Variants in TENM4 observed in about 807,000 individuals in gnomAD.
The protein encoded by TENM4 is teneurin transmembrane protein 4.
A neutral mutation model predicts 243.3 loss-of-function variants in TENM4; 82 were observed. That is an observed-to-expected ratio of 0.34 (90% CI 0.28 to 0.40). TENM4 has a LOEUF of 0.40. Ranked by LOEUF, TENM4 falls within the 10% of genes least tolerant of loss-of-function variation. The pLI, the probability that TENM4 is intolerant of heterozygous loss-of-function variation, is 1.00. For synonymous variants in TENM4, 1,412 were observed against 1,456.3 expected (o/e 0.97, Z 0.69); for missense variants, 3,138 against 3,673.3 (o/e 0.85, Z 3.77).
At chr11:78,736,372 C>A (rs1855792719) in intron 20 of TENM4, among the ~76,000 whole-genome samples, 1 of 151,960 alleles carries the variant, frequency 6.6e-6, no homozygotes, top group South Asian at 2.1e-4. Context: ...TAAATGATCT[C>A]TTTGGCTAAC....
chr11:79,349,504 G>A (rs938470730), intron 1 of TENM4, among the ~76,000 whole-genome samples: 5 of 152,002 alleles, frequency 3.3e-5, no homozygotes, highest in African/African-American at 9.7e-5. Flanking sequence ...TCATTCCTTC[G>A]TTCATAAATA....
rs1855849507 is a variant in TENM4 at position 78,738,456 on chromosome 11, A to T, written c.2871T>A (p.Asp957Glu). The change falls in exon 20 of 34, where the codon GAT becomes GAA. Residue 957 changes from aspartate (D) to glutamate (E), a missense_variant. Asp to Glu is a conservative substitution (Grantham distance 45). Transcript: ENST00000278550. ...GCTCATAGAAGGTCTCCTACCTGCC[A>T]TCTTGCCTGCTGATTGTATATCCAA... ...PLFGYTISRQ[D>E]GSFDLVTNGG... 1 of 1,613,702 alleles carries T rather than the reference A, an allele frequency of 6.2e-7. No homozygotes were observed. Among genetic ancestry groups the T allele is most frequent in the Non-Finnish European group, 8.5e-7 (1 of 1,179,764 alleles).
intron 5 of TENM4, among the ~76,000 whole-genome samples, chr11:79,066,639 C>T (rs1013412329): frequency 2.6e-5 from 4 of 151,806 alleles, no homozygotes; most frequent in African/African-American, 9.7e-5. Flanking sequence ...CATGAACACA[C>T]AAGTGCACAC....
chr11:79,210,238 T>C (rs1190266114), intron 3 of TENM4, among the ~76,000 whole-genome samples: 1 of 152,172 alleles, frequency 6.6e-6, no homozygotes, highest in Non-Finnish European at 1.5e-5. Context: ...GGCCTGACCA[T>C]GTAATAATCT....
At chr11:79,098,139 TC>T (rs1324203770) in intron 4 of TENM4, 1 of 152,226 alleles carries the variant, frequency 6.6e-6, no homozygotes, top group Non-Finnish European at 1.5e-5. Context: ...CCCAGGATTG[TC>T]TGCGATCCTG....
chr11:78,746,943 G>A (rs554640670), intron 19 of TENM4, among the ~76,000 whole-genome samples: 1 of 152,296 alleles, frequency 6.6e-6, no homozygotes, highest in African/African-American at 2.4e-5. Context: ...TTCTGTCAGG[G>A]ACAGGGCAGG....
intron 6 of TENM4, among the ~76,000 whole-genome samples, chr11:78,985,969 C>A (rs924592550): frequency 1.3e-5 from 2 of 152,154 alleles, no homozygotes; most frequent in Non-Finnish European, 2.9e-5. Flanking sequence ...TCTAATGGAG[C>A]CTTTTCTTCC....
rs139392892 is a variant in TENM4, at chr11:78,866,545, G to C, written c.1085-3413C>G. 1.8e-3 allele frequency among the ~76,000 whole-genome samples: 279 copies of C among 151,850 alleles called. 1 individual carries two copies. Among genetic ancestry groups the C allele is most frequent in the African/African-American group, 6.3e-3 (259 of 41,380 alleles). Reference sequence around the variant, plus strand: ...TGTTGCAGGTGAAAATGATCAACAGGTCTGGGGTCCCAGGGAAGTTAATGA... The same window carrying C: ...TGTTGCAGGTGAAAATGATCAACAGCTCTGGGGTCCCAGGGAAGTTAATGA... On this transcript the variant is annotated intron_variant, in intron 9 of 33. Coordinates refer to ENST00000278550, the MANE Select transcript of TENM4 (RefSeq NM_001098816.3).
At chr11:79,237,209 A>G (rs1223695839) in intron 2 of TENM4, among the ~76,000 whole-genome samples, 2 of 152,228 alleles carry the variant, frequency 1.3e-5, no homozygotes, top group Admixed American at 1.3e-4. Context: ...TATCTCCCCT[A>G]TGCCCCAAAC....
intron 6 of TENM4, among the ~76,000 whole-genome samples, chr11:78,907,925 G>T (rs1400782660): frequency 6.6e-6 from 1 of 152,160 alleles, no homozygotes; most frequent in African/African-American, 2.4e-5. Context: ...TGCTATTTGT[G>T]CACACCACTG....
chr11:79,304,735 A>T (rs2135403730), intron 1 of TENM4, among the ~76,000 whole-genome samples: 1 of 152,248 alleles, frequency 6.6e-6, no homozygotes, highest in Non-Finnish European at 1.5e-5. Context: ...CTAATGTATT[A>T]ACTGGCCTCC....
At chr11:79,413,582 A>G (rs1245923475) in intron 1 of TENM4, among the ~76,000 whole-genome samples, 2 of 152,216 alleles carry the variant, frequency 1.3e-5, no homozygotes, top group Non-Finnish European at 2.9e-5. Flanking sequence ...TCTAATTTGC[A>G]GATGATTCTA....
At chr11:78,920,426 C>T (rs898524795) in intron 6 of TENM4, among the ~76,000 whole-genome samples, 7 of 152,178 alleles carry the variant, frequency 4.6e-5, no homozygotes, top group Non-Finnish European at 1.0e-4. Flanking sequence ...TCCAGGTGGA[C>T]AGACCATGAC....
intron 6 of TENM4, among the ~76,000 whole-genome samples, chr11:79,047,407 C>T (rs1292809079): frequency 6.6e-6 from 1 of 152,140 alleles, no homozygotes; most frequent in Non-Finnish European, 1.5e-5. Flanking sequence ...TATTAATTAG[C>T]CAGCTGTGCA....
Position 78,722,717 on chromosome 11 carries a change from T to C in TENM4, c.3751A>G (p.Ile1251Val), listed in dbSNP as rs1439875400. 1 of 1,614,056 alleles carries C rather than the reference T, an allele frequency of 6.2e-7. No homozygotes were observed. The highest frequency in any genetic ancestry group is 1.7e-5 in the Admixed American group (1 of 60,036). Residue 1251 changes from isoleucine to valine, a missense_variant, in exon 24 of 34, where the codon ATT becomes GTT. This residue lies in a region of TENM4 where 2,467 missense variants were observed against 3,059.1 expected (regional missense o/e 0.81). Coordinates refer to ENST00000278550, the MANE Select transcript of TENM4 (RefSeq NM_001098816.3). ...GSLYVGDFNY[I>V]RRIFPSGNVT... ...TTTCCAGAGGGGAAGATCCTTCTAATGTAGTTGAAATCACCCACATAGAGG... is the reference window on the plus strand; with the variant it reads ...TTTCCAGAGGGGAAGATCCTTCTAACGTAGTTGAAATCACCCACATAGAGG...
chr11:78,867,563 C>T (rs1173630142), intron 9 of TENM4, among the ~76,000 whole-genome samples: 3 of 152,216 alleles, frequency 2.0e-5, no homozygotes, highest in African/African-American at 4.8e-5. Flanking sequence ...AGCACATTCT[C>T]AGCCAGAGTC....
intron 15 of TENM4, among the ~76,000 whole-genome samples, chr11:78,792,641 T>C (rs988233498): frequency 2.0e-5 from 3 of 152,184 alleles, no homozygotes; most frequent in African/African-American, 7.2e-5. Flanking sequence ...TGGCCCAGCA[T>C]GGCTTTCAAC....
chr11:79,311,173 G>C (rs369769920), intron 1 of TENM4, among the ~76,000 whole-genome samples: 2 of 152,294 alleles, frequency 1.3e-5, no homozygotes, highest in African/African-American at 4.8e-5. Flanking sequence ...CTTCTGACCG[G>C]ACAAAATCCT....
chr11:78,821,880 G>C (rs1271498613), intron 12 of TENM4, among the ~76,000 whole-genome samples: 1 of 152,210 alleles, frequency 6.6e-6, no homozygotes, highest in African/African-American at 2.4e-5. Flanking sequence ...CTAAGAGTCA[G>C]AGCTGAATAC....
Sources: gnomAD v4.1 joint callset for allele counts (sites outside exome capture counted in the v4.1 genomes callset) on GRCh38, gnomAD v4.1.1 for gene constraint, gnomAD v4.1.1 regional missense constraint, MANE v1.5 for transcripts, NCBI Gene and HGNC (gene_info 2026-07-23, HGNC 2026-07-21) for gene names.